The following SMC5 variants were observed in gnomAD, a reference collection of about 807,000 sequenced individuals.
The protein encoded by SMC5 is structural maintenance of chromosomes protein 5.
SMC5 carries 88 observed loss-of-function variants against 148.3 expected under a neutral mutation model. The observed-to-expected ratio is 0.59, with a 90% CI of 0.50 to 0.71. The LOEUF is 0.71. Among genes scored for constraint, SMC5 ranks in the 30% least tolerant of loss-of-function variants. The pLI, the probability that SMC5 is intolerant of heterozygous loss-of-function variation, is 0.00. For synonymous variants in SMC5, 421 were observed against 432.8 expected (o/e 0.97, Z 0.34); for missense variants, 1,142 against 1,298.9 (o/e 0.88, Z 1.86).
chr9:70,295,446 G>C (rs568340255), intron 8 of SMC5, among the ~76,000 whole-genome samples: 2 of 150,518 alleles, frequency 1.3e-5, no homozygotes, highest in East Asian at 3.9e-4. Flanking sequence ...ACTCCAGCCT[G>C]GGTGACAGAG....
At chr9:70,272,443 C>T (rs1450739365) in intron 3 of SMC5, among the ~76,000 whole-genome samples, 4 of 152,030 alleles carry the variant, frequency 2.6e-5, no homozygotes, top group African/African-American at 4.8e-5. Flanking sequence ...GAGCTGGGCA[C>T]GGTGGCTCAT....
intron 24 of SMC5, 88 bp from the exon 25 acceptor site, chr9:70,352,103 A>C: frequency 8.2e-7 from 1 of 1,216,594 alleles, no homozygotes; most frequent in South Asian, 1.8e-5. Context: ...TGCAAATAAA[A>C]TAATACATTT....
intron 24 of SMC5, among the ~76,000 whole-genome samples, chr9:70,351,609 A>G (rs1204200471): frequency 2.6e-5 from 4 of 152,162 alleles, no homozygotes; most frequent in African/African-American, 7.2e-5. Context: ...TGTGGAGGAC[A>G]TACTCTTTTC....
chr9:70,344,731 C>T (rs1564072614), intron 18 of SMC5: 1 of 152,200 alleles, frequency 6.6e-6, no homozygotes, highest in African/African-American at 2.4e-5. Context: ...TGACATACCA[C>T]TCAGTAAAAT....
Position 70,318,815 on chromosome 9 carries a change from G to A in SMC5, c.2002G>A (p.Ala668Thr), listed in dbSNP as rs770757188. The A allele has an allele frequency of 8.3e-6, 13 of 1,572,868 alleles. No individual in the cohort carries two copies. Among genetic ancestry groups the A allele is most frequent in the Non-Finnish European group, 1.1e-5 (13 of 1,166,056 alleles). ...QLKEIHRKLQAVDSGLIALRE... is the reference protein window; with the variant it reads ...QLKEIHRKLQTVDSGLIALRE... ...ATAGGAAATTCATAGAAAATTGCAA[G>A]CAGTGGATTCAGGGTTGATTGCCTT... Residue 668 changes from alanine (A) to threonine (T), a missense_variant, in exon 15 of 25, where the codon GCA becomes ACA. Ala to Thr is a moderately conservative substitution (Grantham distance 58). Transcript: ENST00000361138.
At chr9:70,333,423 T>C (rs774993311) in intron 17 of SMC5, among the ~76,000 whole-genome samples, 9 of 151,792 alleles carry the variant, frequency 5.9e-5, no homozygotes, top group Non-Finnish European at 1.3e-4. Flanking sequence ...CGAGCTGTGA[T>C]TTCACCACTG....
chr9:70,311,726 A>G (rs557902555), intron 11 of SMC5: 1 of 152,150 alleles, frequency 6.6e-6, no homozygotes, highest in Non-Finnish European at 1.5e-5. Flanking sequence ...ATGTTTTTTA[A>G]TGCAGTATCT....
At chr9:70,306,033 A>G (rs2035486164) in intron 11 of SMC5, among the ~76,000 whole-genome samples, 1 of 152,250 alleles carries the variant, frequency 6.6e-6, no homozygotes, top group Non-Finnish European at 1.5e-5. Context: ...GAAGGTACTT[A>G]TAGCAGTACT....
rs778851422 is a variant in SMC5 at position 70,259,051 on chromosome 9, G to C, written c.-28G>C. On this transcript the variant is annotated 5_prime_UTR_variant, in exon 1 of 25. Coordinates refer to ENST00000361138, the MANE Select transcript of SMC5 (RefSeq NM_015110.4). ...GGGCTGCCGGACGGTGGGAACGGAA[G>C]TCGCTGTGGGACGCTGAGGAAGCCA... The C allele has an allele frequency of 3.2e-6, 5 of 1,580,550 alleles. No homozygotes were observed. In the South Asian group the frequency reaches 5.7e-5, roughly 18 times the overall value.
intron 6 of SMC5, among the ~76,000 whole-genome samples, chr9:70,281,369 G>A (rs1443368683): frequency 6.6e-6 from 1 of 152,212 alleles, no homozygotes; most frequent in African/African-American, 2.4e-5. Flanking sequence ...CCTTAGCTGT[G>A]TGCTAGTTGT....
intron 5 of SMC5, among the ~76,000 whole-genome samples, chr9:70,279,469 T>C (rs1234076012): frequency 6.6e-6 from 1 of 151,934 alleles, no homozygotes; most frequent in Non-Finnish European, 1.5e-5. Flanking sequence ...CAATGAGCTG[T>C]GATTGCACCA....
chr9:70,279,817 C>CAAA (rs561567100), intron 5 of SMC5, among the ~76,000 whole-genome samples: 2 of 56,590 alleles, frequency 3.5e-5, no homozygotes, highest in East Asian at 5.4e-4. Context: ...AACTCCGTTT[C>CAAA]AAAAAAAAAA....
At chr9:70,259,417 A>G (rs942652045) in intron 1 of SMC5, among the ~76,000 whole-genome samples, 154 bp downstream of exon 1, 1 of 152,206 alleles carries the variant, frequency 6.6e-6, no homozygotes, top group Non-Finnish European at 1.5e-5. Context: ...GGATTTTCCT[A>G]CGTAGGCTGT....
At chr9:70,318,312 T>G (rs965566766) in intron 13 of SMC5, among the ~76,000 whole-genome samples, 42 of 151,772 alleles carry the variant, frequency 2.8e-4, no homozygotes, top group Non-Finnish European at 8.8e-5. Flanking sequence ...CACTTGAGCC[T>G]GGGGGGTTGA....
intron 7 of SMC5, among the ~76,000 whole-genome samples, chr9:70,285,900 C>T (rs2034886412): frequency 6.6e-6 from 1 of 152,060 alleles, no homozygotes; most frequent in African/African-American, 2.4e-5. Context: ...CCCTACCAGT[C>T]AGTAATATTT....
chr9:70,322,162 G>A (rs2035964304), intron 15 of SMC5, among the ~76,000 whole-genome samples: 1 of 151,352 alleles, frequency 6.6e-6, no homozygotes, highest in African/African-American at 2.4e-5. Flanking sequence ...ATGTGCCTTG[G>A]TTGTTTAAAG....
At chr9:70,288,498 C>G (rs1023641843) in intron 8 of SMC5, among the ~76,000 whole-genome samples, 7 of 151,638 alleles carry the variant, frequency 4.6e-5, no homozygotes, top group African/African-American at 9.7e-5. Context: ...TTTCTTAATT[C>G]ATTTTTCTGC....
intron 11 of SMC5, chr9:70,311,519 A>C (rs1412706950): frequency 1.3e-5 from 2 of 152,220 alleles, no homozygotes; most frequent in Non-Finnish European, 2.9e-5. Context: ...ACACAACGAG[A>C]TGAGCACAAG....
rs373734625 is a variant in SMC5 at position 70,304,374 on chromosome 9, G to T, written c.1465-873G>T. Among the ~76,000 whole-genome samples, 5 of 151,892 alleles carry T rather than the reference G, an allele frequency of 3.3e-5. No individual in the cohort carries two copies. The East Asian group carries it at 5.8e-4, about 18-fold the overall frequency. ...GGGGTTATCAGTGCTACCACGCCTG[G>T]CCCAGTTAATGTTTTTAAAATAGAT... On this transcript the variant is annotated intron_variant, in intron 10 of 24. Transcript: ENST00000361138.
Sources: allele counts gnomAD v4.1 joint callset (sites outside exome capture counted in the v4.1 genomes callset), GRCh38; gene constraint gnomAD v4.1.1; transcripts MANE v1.5; gene names NCBI Gene and HGNC (gene_info 2026-07-23, HGNC 2026-07-21).